TRMT2A: variants seen among roughly 807,000 people sequenced by gnomAD.
TRMT2A encodes the protein tRNA (uracil-5-)-methyltransferase homolog A.
Under a neutral mutation model 59.3 loss-of-function variants are expected in TRMT2A, and 60 were observed. The ratio of observed to expected loss-of-function variants is 1.01; its 90% CI spans 0.82 to 1.26. The LOEUF (loss-of-function observed/expected upper bound fraction) is 1.26. TRMT2A is among the 50% of genes most tolerant of loss of function. TRMT2A has a pLI of 0.00. For missense variants in TRMT2A, 863 were observed against 845.2 expected, an observed-to-expected ratio of 1.02 and a Z score of -0.26; for synonymous variants, 403 against 353.7, an observed-to-expected ratio of 1.14 and a Z score of -1.56.
Position 20,115,457 on chromosome 22 carries a change from G to A in TRMT2A, c.709-10C>T, listed in dbSNP as rs767404596. On this transcript the variant is annotated splice_polypyrimidine_tract_variant and intron_variant, in intron 3 of 11. Coordinates refer to ENST00000252136, the MANE Select transcript of TRMT2A (RefSeq NM_022727.6). ...TATTACGATACTCAGTCTGCAGGGA[G>A]AGAGAGCTGCACCTTACCCTGGCTG... 4 of 1,600,488 alleles carry A rather than the reference G, an allele frequency of 2.5e-6. No homozygotes were observed. Among genetic ancestry groups the A allele is most frequent in the Non-Finnish European group, 3.4e-6 (4 of 1,172,936 alleles).
At position 20,113,479 on chromosome 22, in the gene TRMT2A, A is replaced by G; in HGVS notation, c.1385T>C (p.Leu462Pro). ...GGCGTCCTCCACAGCCTCTGGGCAT[A>G]GCTCGACCCCAATGACCCTCTTTAC... The part of the protein sequence containing the change: ...RKVKRVIGVE[L>P]CPEAVEDARV... Residue 462 changes from leucine (L) to proline (P), a missense_variant, in exon 9 of 12, where the codon CTA becomes CCA. By Grantham distance (98) the Leu-to-Pro change is moderately conservative. Transcript: ENST00000252136. 1 of 1,613,312 alleles carries G rather than the reference A, an allele frequency of 6.2e-7. No individual in the cohort carries two copies. The highest frequency in any genetic ancestry group is 8.5e-7 in the Non-Finnish European group (1 of 1,179,922).
intron 7 of TRMT2A, 131 bp downstream of exon 7, chr22:20,114,443 C>T: frequency 1.3e-5 from 10 of 762,204 alleles, no homozygotes; most frequent in Non-Finnish European, 2.1e-5. Context: ...TTACTTCACC[C>T]TCCCCTGTGG....
intron 7 of TRMT2A, 61 bp from the exon 8 acceptor site, chr22:20,113,869 C>T (rs906115578): frequency 5.2e-5 from 77 of 1,490,734 alleles, no homozygotes; most frequent in Middle Eastern, 5.0e-4. Context: ...ACTGGTGCCC[C>T]GACGCCCACA....
Position 20,113,214 on chromosome 22 carries a change from G to A in TRMT2A, c.1453C>T (p.His485Tyr). The stretch of plus-strand genomic sequence containing the variant: ...ACCAGGTCCTCGGCCCTCCCGCAGT[G>A]GAACTCCACATTACTCAACTCTGAA... ...QDNELSNVEF[H>Y]CGRAEDLVPT... The change falls in exon 10 of 12, where the codon CAC (histidine) becomes TAC (tyrosine). Residue 485 changes from histidine (H) to tyrosine (Y), a missense_variant. By Grantham distance (83) the His-to-Tyr change is moderately conservative (BLOSUM62 2). Coordinates refer to ENST00000252136, the MANE Select transcript of TRMT2A (RefSeq NM_022727.6). 1.9e-6 allele frequency: 3 copies of A among 1,572,314 alleles called. No homozygotes were observed. The highest frequency in any genetic ancestry group is 2.6e-6 in the Non-Finnish European group (3 of 1,160,372).
Position 20,114,564 on chromosome 22 carries a change from T to G in TRMT2A, c.1233+10A>C. Reference sequence around the variant, plus strand: ...ACATGTCCCCATGCCCACCAGGGACTCATGGCTACCTGGAAGAAGGCGTGT... The same window carrying G: ...ACATGTCCCCATGCCCACCAGGGACGCATGGCTACCTGGAAGAAGGCGTGT... On this transcript the variant is annotated intron_variant, in intron 7 of 11. Coordinates refer to ENST00000252136, the MANE Select transcript of TRMT2A (RefSeq NM_022727.6). 6 of 1,608,984 alleles carry G rather than the reference T, an allele frequency of 3.7e-6. No homozygotes were observed. The highest frequency in any genetic ancestry group is 5.1e-6 in the Non-Finnish European group (6 of 1,175,648).
intron 11 of TRMT2A, 50 bp from the exon 12 acceptor site, chr22:20,112,844 G>A: frequency 1.2e-6 from 2 of 1,612,504 alleles, no homozygotes; most frequent in Non-Finnish European, 1.7e-6. Context: ...GCTAATCAGG[G>A]GCTCCTGTGG....
At chr22:20,113,643 T>G in intron 8 of TRMT2A, 43 bp downstream of exon 8, 1 of 1,590,744 alleles carries the variant, frequency 6.3e-7, no homozygotes, top group South Asian at 1.1e-5. Context: ...ATGGGGGTCT[T>G]GGGGTGGGGA....
rs1437306988 is a variant in TRMT2A, at chr22:20,115,028, C to T, written c.942G>A (p.Lys314=). 6.2e-7 allele frequency: 1 copy of T among 1,600,120 alleles called. No individual in the cohort carries two copies. Among genetic ancestry groups the T allele is most frequent in the Non-Finnish European group, 8.5e-7 (1 of 1,176,068 alleles). ...YDPETYTGHW[K]QLTVRTSRRH... is the part of the protein sequence containing the mutation. ...GGCGGCTGGTGCGCACAGTCAGCTG[C>T]TTCCAGTGGCCTGTGTACGTCTCTG... The change falls in exon 5 of 12, where the codon AAG becomes AAA. Residue 314 remains lysine (K), a synonymous_variant. Transcript: ENST00000252136.
At chr22:20,113,400 T>TACCCCC in intron 9 of TRMT2A, 32 bp downstream of exon 9, 10 of 1,049,422 alleles carry the variant, frequency 9.5e-6, no homozygotes, top group Non-Finnish European at 1.4e-5. Context: ...GCTGCCCCCA[T>TACCCCC]CCCCACCCCC....
rs750465120 is a variant in TRMT2A at position 20,115,018 on chromosome 22, C to T, written c.952G>A (p.Val318Met). 3.1e-6 allele frequency: 5 copies of T among 1,600,146 alleles called. No individual in the cohort carries two copies. The highest frequency in any genetic ancestry group is 3.4e-6 in the Non-Finnish European group (4 of 1,175,848). The change falls in exon 5 of 12, where the codon GTG (valine) becomes ATG (methionine). Residue 318 changes from valine to methionine, a missense_variant. Transcript: ENST00000252136. ...GCCTGGTGGCGGCGGCTGGTGCGCACAGTCAGCTGCTTCCAGTGGCCTGTG... is the reference window on the plus strand; with the variant it reads ...GCCTGGTGGCGGCGGCTGGTGCGCATAGTCAGCTGCTTCCAGTGGCCTGTG... ...TYTGHWKQLT[V>M]RTSRRHQAMA... is the part of the protein sequence containing the mutation.
At chr22:20,113,400 T>TCCCCCCCCCCCCCCCCCCCCCGGG in intron 9 of TRMT2A, 32 bp downstream of exon 9, 1 of 1,049,436 alleles carries the variant, frequency 9.5e-7, no homozygotes, top group Non-Finnish European at 1.4e-6. Flanking sequence ...GCTGCCCCCA[T>TCCCCCCCCCCCCCCCCCCCCCGGG]CCCCACCCCC....
Position 20,116,306 on chromosome 22 carries a change from A to T in TRMT2A, c.331T>A (p.Cys111Ser). 1.2e-6 allele frequency: 2 copies of T among 1,612,934 alleles called. No homozygotes were observed. Reference sequence around the variant, plus strand: ...GCGCTGCGGAATGTCACAAAGGCGCAGGGTGGTTGCCCAAAGAGTTTGGTT... The same window carrying T: ...GCGCTGCGGAATGTCACAAAGGCGCTGGGTGGTTGCCCAAAGAGTTTGGTT... ...HKTKLFGQPP[C>S]AFVTFRSAAE... Residue 111 changes from cysteine to serine, a missense_variant, in exon 2 of 12, where the codon TGC becomes AGC. Transcript: ENST00000252136.
In TRMT2A at chr22:20,112,797, G is replaced by A. The variant is rs751123927; in HGVS notation, c.1647-3C>T. 3.7e-6 allele frequency: 6 copies of A among 1,613,076 alleles called. No individual in the cohort carries two copies. The highest frequency in any genetic ancestry group is 2.2e-5 in the East Asian group (1 of 44,884). ...GGTTAGATGGGGCTCTGCAGAGGCTGTGGGGGGAAAAGGGGGGCGCTAAGG... is the reference window on the plus strand; with the variant it reads ...GGTTAGATGGGGCTCTGCAGAGGCTATGGGGGGAAAAGGGGGGCGCTAAGG... On this transcript the variant is annotated splice_polypyrimidine_tract_variant and splice_region_variant and intron_variant, in intron 11 of 11. Coordinates refer to ENST00000252136, the MANE Select transcript of TRMT2A (RefSeq NM_022727.6).
At position 20,113,416 on chromosome 22, in the gene TRMT2A, C is replaced by CCCCCCT; in HGVS notation, c.1432+15_1432+16insAGGGGG. ...CTGCCCCCATCCCCACCCCCACCCA[C>CCCCCCT]GGCCTTGCCACTCACCATTGTCCTG... On this transcript the variant is annotated intron_variant, in intron 9 of 11. Transcript: ENST00000252136. 1.9e-6 allele frequency: 3 copies of CCCCCCT among 1,588,104 alleles called. No homozygotes were observed. Among genetic ancestry groups the CCCCCCT allele is most frequent in the Non-Finnish European group, 2.6e-6 (3 of 1,166,078 alleles).
At chr22:20,114,228 C>T (rs1344948993) in intron 7 of TRMT2A, among the ~76,000 whole-genome samples, 2 of 152,184 alleles carry the variant, frequency 1.3e-5, no homozygotes, top group African/African-American at 4.8e-5. Context: ...GCTCCAGGTC[C>T]CCACAGCCTT....
In TRMT2A at chr22:20,112,418, TAGC is replaced by T. The variant is rs1322105676; in HGVS notation, c.*142_*144del. ...CTTCCTGGTCAGGGCCCCTGGCCCC[TAGC>T]AGCAGGCCAATCCTGGTGGGGCACA... On this transcript the variant is annotated 3_prime_UTR_variant, in exon 12 of 12. Transcript: ENST00000252136. 11 of 1,122,298 alleles carry T rather than the reference TAGC, an allele frequency of 9.8e-6. No individual in the cohort carries two copies. The highest frequency in any genetic ancestry group is 8.7e-5 in the Admixed American group (3 of 34,650). The allele number at this position is 1,122,298 out of a possible 1,614,324, so 69.5% of individuals were successfully genotyped here.
At chr22:20,113,366 CTG>C in intron 9 of TRMT2A, 64 bp downstream of exon 9, 1 of 1,564,264 alleles carries the variant, frequency 6.4e-7, no homozygotes, top group Non-Finnish European at 8.7e-7. Context: ...CTGGCTGTGG[CTG>C]AGGCTTGCAG....
In TRMT2A at chr22:20,115,959, A is replaced by C. The variant is rs142142502; in HGVS notation, c.599+79T>G. On this transcript the variant is annotated intron_variant, in intron 2 of 11. Coordinates refer to ENST00000252136, the MANE Select transcript of TRMT2A (RefSeq NM_022727.6). ...CGCCAGATCCTGTGCTGGGCCTCCC[A>C]ACTGGTGCATGGACAGGCTGAGGAA... 6.1e-3 allele frequency: 9,007 copies of C among 1,488,598 alleles called. 35 individuals are homozygous for C. The highest frequency in any genetic ancestry group is 0.013 in the Middle Eastern group (71 of 5,336). The allele number at this position is 1,488,598 out of a possible 1,614,324, so 92.2% of individuals were successfully genotyped here.
intron 9 of TRMT2A, 71 bp from the exon 10 acceptor site, chr22:20,113,305 C>T (rs961190894): frequency 1.5e-5 from 22 of 1,512,024 alleles, no homozygotes; most frequent in African/African-American, 1.4e-5. Context: ...TGGGGAACCC[C>T]TAGCCAAAGA....
Sources: gnomAD v4.1 joint callset for allele counts (sites outside exome capture counted in the v4.1 genomes callset) on GRCh38, gnomAD v4.1.1 for gene constraint, MANE v1.5 for transcripts, NCBI Gene and HGNC (gene_info 2026-07-23, HGNC 2026-07-21) for gene names.